The following CCDC102B variants were observed in gnomAD, a reference collection of about 807,000 sequenced individuals.
CCDC102B encodes the protein coiled-coil domain-containing protein 102B.
CCDC102B carries 75 observed loss-of-function variants against 57.4 expected under a neutral mutation model. That is an observed-to-expected ratio of 1.31 (90% confidence interval 1.08 to 1.58). CCDC102B has a LOEUF of 1.58. Ranked by LOEUF, CCDC102B falls within the 40% of genes most tolerant of loss-of-function variation. The pLI, the probability that CCDC102B is intolerant of heterozygous loss-of-function variation, is 0.00. For synonymous variants in CCDC102B, 206 were observed against 201.9 expected, an observed-to-expected ratio of 1.02 and a Z score of -0.17; for missense variants, 636 against 582.6, an observed-to-expected ratio of 1.09 and a Z score of -0.94.
At chr18:68,788,542 G>T (rs1282379295) in intron 2 of CCDC102B, among the ~76,000 whole-genome samples, 3 of 150,950 alleles carry the variant, frequency 2.0e-5, no homozygotes, top group Non-Finnish European at 2.9e-5. Context: ...ATTTAGGATA[G>T]TTAGCTCTTC....
At chr18:68,752,973 A>C (rs1296117163) in intron 2 of CCDC102B, among the ~76,000 whole-genome samples, 1 of 151,990 alleles carries the variant, frequency 6.6e-6, no homozygotes. Flanking sequence ...CGAAACCCTA[A>C]CGAGACTAAT....
At chr18:68,828,879 A>C (rs1312143167) in intron 1 of CCDC102B, among the ~76,000 whole-genome samples, 8 of 151,870 alleles carry the variant, frequency 5.3e-5, no homozygotes. Flanking sequence ...TAATTTTAAA[A>C]TATTGCTTGA....
chr18:68,814,614 G>A (rs1406430414), intron 1 of CCDC102B, among the ~76,000 whole-genome samples: 1 of 151,930 alleles, frequency 6.6e-6, no homozygotes, highest in Non-Finnish European at 1.5e-5. Flanking sequence ...CCTTTCTTTT[G>A]ATTTACTAAA....
Position 68,859,872 on chromosome 18 carries a change from A to T in CCDC102B, c.936+13451A>T, listed in dbSNP as rs1407844034. On this transcript the variant is annotated intron_variant, in intron 4 of 7. Coordinates refer to ENST00000360242, the MANE Select transcript of CCDC102B (RefSeq NM_024781.3). The stretch of plus-strand genomic sequence containing the variant: ...GTTGGTGGGACTGTAAACTAGTTCA[A>T]CCATTGTGGAGGTCAGTGTGGCGAT... Among the ~76,000 whole-genome samples the T allele has an allele frequency of 9.4e-5, 7 of 74,786 alleles. 2 individuals carry two copies. The East Asian group carries it at 3.0e-3, about 32-fold the overall frequency. The allele number at this position is 74,786 out of a possible 152,430, so 49.1% of individuals were successfully genotyped here. A position where few individuals can be genotyped will look rare whatever the true frequency, so the allele number is the denominator to read the frequency against.
chr18:68,935,911 A>T (rs2049224012), intron 6 of CCDC102B, among the ~76,000 whole-genome samples: 1 of 151,886 alleles, frequency 6.6e-6, no homozygotes. Context: ...TCTCCTCCTC[A>T]TGTTCATGCC....
chr18:69,020,330 T>C (rs1045042541), intron 7 of CCDC102B, among the ~76,000 whole-genome samples: 5 of 152,140 alleles, frequency 3.3e-5, no homozygotes, highest in Non-Finnish European at 5.9e-5. Flanking sequence ...CTTTAAGTAA[T>C]CCATTGTCAT....
At chr18:68,764,015 C>A (rs1445786033) in intron 2 of CCDC102B, among the ~76,000 whole-genome samples, 1 of 151,942 alleles carries the variant, frequency 6.6e-6, no homozygotes, top group African/African-American at 2.4e-5. Context: ...TTTTTTTAAT[C>A]AGGAAATTGA....
intron 6 of CCDC102B, among the ~76,000 whole-genome samples, chr18:68,917,103 G>T (rs1288140386): frequency 6.6e-6 from 1 of 152,218 alleles, no homozygotes; most frequent in Non-Finnish European, 1.5e-5. Context: ...ATTGTTCATA[G>T]CTTTGTGCTC....
chr18:68,955,791 A>C (rs1182385760), intron 6 of CCDC102B, among the ~76,000 whole-genome samples: 2 of 152,104 alleles, frequency 1.3e-5, no homozygotes, highest in South Asian at 2.1e-4. Context: ...GTGGGTACAT[A>C]GTAGATGTAT....
chr18:69,018,116 T>A (rs777994937), intron 7 of CCDC102B, among the ~76,000 whole-genome samples: 1 of 152,220 alleles, frequency 6.6e-6, no homozygotes, highest in South Asian at 2.1e-4. Flanking sequence ...TATCCAACAA[T>A]GGACACTTAG....
intron 2 of CCDC102B, among the ~76,000 whole-genome samples, chr18:68,768,467 G>A (rs960910493): frequency 6.6e-6 from 1 of 152,154 alleles, no homozygotes; most frequent in African/African-American, 2.4e-5. Context: ...GGGGTCTGAA[G>A]CTGAGTGCCT....
intron 2 of CCDC102B, among the ~76,000 whole-genome samples, chr18:68,749,561 G>A (rs2145241679): frequency 6.6e-6 from 1 of 152,224 alleles, no homozygotes; most frequent in East Asian, 1.9e-4. Flanking sequence ...GTTCACTCAT[G>A]ATTTGGCTCT....
intron 3 of CCDC102B, among the ~76,000 whole-genome samples, chr18:68,841,891 C>G (rs543083167): frequency 1.3e-5 from 2 of 152,062 alleles, no homozygotes; most frequent in Non-Finnish European, 2.9e-5. Context: ...GCCACCACGC[C>G]TGGCTAATTT....
chr18:69,009,167 T>A (rs2051431890), intron 6 of CCDC102B, among the ~76,000 whole-genome samples: 1 of 152,236 alleles, frequency 6.6e-6, no homozygotes, highest in Admixed American at 6.5e-5. Flanking sequence ...TTTCTCCACA[T>A]TTTACTGGCA....
intron 4 of CCDC102B, among the ~76,000 whole-genome samples, chr18:68,870,778 C>G (rs1461862106): frequency 1.3e-5 from 2 of 152,106 alleles, no homozygotes; most frequent in Non-Finnish European, 2.9e-5. Flanking sequence ...ATATTTGGTG[C>G]ATGATTTCAC....
chr18:68,900,161 G>A (rs2040392574), intron 6 of CCDC102B: 1 of 152,130 alleles, frequency 6.6e-6, no homozygotes, highest in Middle Eastern at 3.2e-3. Flanking sequence ...TGGTCCCGTG[G>A]CATCAGCATA....
chr18:69,039,893 A>C (rs2052387310), intron 7 of CCDC102B, among the ~76,000 whole-genome samples: 1 of 150,690 alleles, frequency 6.6e-6, no homozygotes, highest in African/African-American at 2.5e-5. Context: ...ATGTTATGTA[A>C]TGTAATAGTA....
At chr18:68,716,650 G>A (rs1012171382) in intron 2 of CCDC102B, 2 of 152,138 alleles carry the variant, frequency 1.3e-5, no homozygotes, top group Admixed American at 6.5e-5. Flanking sequence ...TACTGATCAA[G>A]TCCCAGGCAT....
rs1200145600 is a variant in CCDC102B at position 68,897,336 on chromosome 18, G to A, written c.1171G>A (p.Glu391Lys). 6.2e-7 allele frequency: 1 copy of A among 1,613,106 alleles called. No individual in the cohort carries two copies. The highest frequency in any genetic ancestry group is 1.1e-5 in the South Asian group (1 of 91,048). The stretch of plus-strand genomic sequence containing the variant: ...GCTGAAGATCCAGGTGAAAGAAATG[G>A]AAGAGCTTTTGGATAAGAAAAATAG... ...RRLKIQVKEMEELLDKKNRLS... is the reference protein window; with the variant it reads ...RRLKIQVKEMKELLDKKNRLS... Residue 391 changes from glutamate (E) to lysine (K), a missense_variant, in exon 6 of 8, where the codon GAA (glutamate) becomes AAA (lysine). Transcript: ENST00000360242.
Sources: allele counts gnomAD v4.1 joint callset (sites outside exome capture counted in the v4.1 genomes callset), GRCh38; gene constraint gnomAD v4.1.1; transcripts MANE v1.5; gene names NCBI Gene and HGNC (gene_info 2026-07-23, HGNC 2026-07-21).